Variants in CNTRL observed in about 807,000 individuals in gnomAD.
CNTRL encodes the protein centriolin, also known as 110 kDa centrosomal protein.
CNTRL carries 233 observed loss-of-function variants against 303.7 expected under a neutral mutation model. The ratio of observed to expected loss-of-function variants is 0.77; its 90% CI spans 0.69 to 0.86. The LOEUF (loss-of-function observed/expected upper bound fraction) is 0.86, where lower values mean the gene tolerates loss of function less well. CNTRL is among the 40% of genes least tolerant of loss of function. The probability of loss-of-function intolerance (pLI) is 0.00; values close to 1 mark genes in which losing one functional copy is unlikely to be tolerated. For synonymous variants in CNTRL, 900 were observed against 922.2 expected, an observed-to-expected ratio of 0.98 and a Z score of 0.44; for missense variants, 2,524 against 2,650.6, an observed-to-expected ratio of 0.95 and a Z score of 1.05.
intron 13 of CNTRL, among the ~76,000 whole-genome samples, chr9:121,125,033 T>C (rs997464540): frequency 2.6e-5 from 4 of 152,060 alleles, no homozygotes; most frequent in African/African-American, 9.7e-5. Context: ...TGTGTGTTTG[T>C]GTTCTAAGTG....
chr9:121,100,927 A>G (rs768344091), intron 7 of CNTRL, among the ~76,000 whole-genome samples: 11 of 152,350 alleles, frequency 7.2e-5, no homozygotes, highest in African/African-American at 2.4e-4. Context: ...TTAGAGACCT[A>G]CAAAGAGACT....
chr9:121,094,998 C>A lies in CNTRL; in HGVS notation c.459C>A (p.Asn153Lys). The change falls in exon 5 of 44, where the codon AAC becomes AAA. Residue 153 changes from asparagine (N) to lysine (K), a missense_variant. Coordinates refer to ENST00000373855, the MANE Select transcript of CNTRL (RefSeq NM_007018.6). ...LDKLLKLREL[N>K]LSYNKISKIE... ...AGCTGTTAAAATTACGTGAACTCAACTTATCATATAACAAAATCAGGTGAG... is the reference window on the plus strand; with the variant it reads ...AGCTGTTAAAATTACGTGAACTCAAATTATCATATAACAAAATCAGGTGAG... 1.2e-6 allele frequency: 2 copies of A among 1,604,372 alleles called. No individual in the cohort carries two copies. The highest frequency in any genetic ancestry group is 1.7e-6 in the Non-Finnish European group (2 of 1,176,122).
Position 121,094,993 on chromosome 9 carries a change from C to T in CNTRL, c.454C>T (p.Leu152Phe). Residue 152 changes from leucine (L) to phenylalanine (F), a missense_variant, in exon 5 of 44, where the codon CTC becomes TTC. Physicochemically the swap from Leu to Phe is conservative, Grantham distance 22 (BLOSUM62 0). Transcript: ENST00000373855. ...GGACAAGCTGTTAAAATTACGTGAA[C>T]TCAACTTATCATATAACAAAATCAG... ...KLDKLLKLRE[L>F]NLSYNKISKI... 1 of 1,605,542 alleles carries T rather than the reference C, an allele frequency of 6.2e-7. No homozygotes were observed. Among genetic ancestry groups the T allele is most frequent in the South Asian group, 1.1e-5 (1 of 89,616 alleles).
intron 25 of CNTRL, among the ~76,000 whole-genome samples, chr9:121,151,541 C>T (rs2052262309): frequency 6.6e-6 from 1 of 151,818 alleles, no homozygotes. Context: ...GAGGCATACG[C>T]CACCACGCCT....
chr9:121,096,579 T>C lies in CNTRL; in HGVS notation c.621+16T>C, dbSNP rs555349252. ...GATATCATCGGTAAGTTATTCAAAA[T>C]AGCAGGAATTTTTAGACTTGTTAAA... On this transcript the variant is annotated intron_variant, in intron 6 of 43. Transcript: ENST00000373855. 9.8e-5 allele frequency: 138 copies of C among 1,408,384 alleles called. 2 individuals carry two copies. In the South Asian group the frequency reaches 2.4e-3, roughly 24 times the overall value. 87.2% of individuals were successfully genotyped at this position (1,408,384 alleles called of 1,614,324 possible).
Position 121,158,875 on chromosome 9 carries a change from G to A in CNTRL, c.4785G>A (p.Glu1595=), listed in dbSNP as rs2052717027. The A allele has an allele frequency of 6.2e-7, 1 of 1,614,104 alleles. No homozygotes were observed. The highest frequency in any genetic ancestry group is 8.5e-7 in the Non-Finnish European group (1 of 1,179,992). Residue 1595 remains glutamate, a synonymous_variant, in exon 31 of 44, where the codon GAG becomes GAA. Coordinates refer to ENST00000373855, the MANE Select transcript of CNTRL (RefSeq NM_007018.6). The stretch of plus-strand genomic sequence containing the variant: ...TACAGGTGACAAGTCAGCAGCAGGA[G>A]ATGGCTGTCTTGGACAGGCAGTTAG... ...LKSQVTSQQQ[E]MAVLDRQLGH...
In CNTRL at chr9:121,157,720, A is replaced by G. The variant is rs1418419112; in HGVS notation, c.4497-20A>G. On this transcript the variant is annotated intron_variant, in intron 28 of 43. Transcript: ENST00000373855. ...TGGTAAGTCTACAGGACCTGGGGGGAATAAAGCAATGTGCTTTAGATCGCT... is the reference window on the plus strand; with the variant it reads ...TGGTAAGTCTACAGGACCTGGGGGGGATAAAGCAATGTGCTTTAGATCGCT... 6.2e-7 allele frequency: 1 copy of G among 1,612,686 alleles called. No homozygotes were observed. Among genetic ancestry groups the G allele is most frequent in the Non-Finnish European group, 8.5e-7 (1 of 1,179,548 alleles).
rs149831066 is a variant in CNTRL at position 121,173,729 on chromosome 9, C to G, written c.6739C>G (p.Arg2247Gly). The G allele has an allele frequency of 1.9e-6, 3 of 1,613,842 alleles. No individual in the cohort carries two copies. The highest frequency in any genetic ancestry group is 2.7e-5 in the African/African-American group (2 of 74,882). ...LREKLRHREDRLKAQLRHCMS... is the reference protein window; with the variant it reads ...LREKLRHREDGLKAQLRHCMS... ...GGAGAAACTGCGTCACCGGGAAGAC[C>G]GACTCAAGGTTGCCCTTTAAAACAA... is the stretch of plus-strand genomic sequence containing the variant. Residue 2247 changes from arginine to glycine, a missense_variant, in exon 42 of 44, where the codon CGA becomes GGA. Physicochemically the swap from Arg to Gly is moderately radical, Grantham distance 125. Coordinates refer to ENST00000373855, the MANE Select transcript of CNTRL (RefSeq NM_007018.6).
intron 14 of CNTRL, among the ~76,000 whole-genome samples, chr9:121,129,127 CT>C (rs747072617): frequency 6.6e-6 from 1 of 152,168 alleles, no homozygotes; most frequent in African/African-American, 2.4e-5. Context: ...AATGCAGGCT[CT>C]TTTTTGGTTC....
chr9:121,134,293 A>AT (rs111594737), intron 14 of CNTRL, among the ~76,000 whole-genome samples: 83 of 67,684 alleles, frequency 1.2e-3, no homozygotes, highest in East Asian at 2.0e-3. Flanking sequence ...TATCATTATT[A>AT]TTTTTTTTTT....
chr9:121,125,645 T>C (rs1025450773), intron 13 of CNTRL, 71 bp from the exon 14 acceptor site: 25 of 1,334,680 alleles, frequency 1.9e-5, no homozygotes, highest in Non-Finnish European at 2.3e-5. Flanking sequence ...TCTTGGCTTA[T>C]AACAAAATGC....
At chr9:121,122,064 C>G (rs769483169) in intron 12 of CNTRL, 23 of 352,988 alleles carry the variant, frequency 6.5e-5, no homozygotes, top group Non-Finnish European at 9.1e-5. Context: ...GTGTAAATCG[C>G]AGAATCTACT....
chr9:121,115,783 A>G (rs988824696), intron 11 of CNTRL, among the ~76,000 whole-genome samples: 4 of 152,242 alleles, frequency 2.6e-5, no homozygotes, highest in Non-Finnish European at 5.9e-5. Flanking sequence ...TAACTTTTAA[A>G]AATCAGTATT....
chr9:121,075,685 A>G (rs940868347), intron 1 of CNTRL, among the ~76,000 whole-genome samples: 2 of 152,166 alleles, frequency 1.3e-5, no homozygotes, highest in Admixed American at 6.5e-5. Context: ...CTTCCTGATC[A>G]TGTTTCCTCA....
intron 24 of CNTRL, 38 bp downstream of exon 24, chr9:121,148,899 C>T (rs2052037680): frequency 6.4e-7 from 1 of 1,574,260 alleles, no homozygotes; most frequent in East Asian, 2.2e-5. Context: ...ATTTCTCTTG[C>T]CCGTTTAATA....
chr9:121,142,204 C>G lies in CNTRL; in HGVS notation c.2805C>G (p.Leu935=). The change falls in exon 19 of 44, where the codon CTC becomes CTG. Residue 935 remains leucine, a synonymous_variant. Transcript: ENST00000373855. ...AGGAAATCCAAGGCCTTACAGATCTCCAACTTCAGGAAGCTGATGAAGAGA... is the reference window on the plus strand; with the variant it reads ...AGGAAATCCAAGGCCTTACAGATCTGCAACTTCAGGAAGCTGATGAAGAGA... ...SMEEIQGLTD[L]QLQEADEEKE... is the part of the protein sequence containing the mutation. 1 of 1,612,330 alleles carries G rather than the reference C, an allele frequency of 6.2e-7. No individual in the cohort carries two copies. The highest frequency in any genetic ancestry group is 8.5e-7 in the Non-Finnish European group (1 of 1,179,308).
chr9:121,132,066 T>C (rs997975629), intron 14 of CNTRL, among the ~76,000 whole-genome samples: 1 of 152,246 alleles, frequency 6.6e-6, no homozygotes, highest in Non-Finnish European at 1.5e-5. Flanking sequence ...CCTTACATTT[T>C]TTCCTTCATG....
intron 7 of CNTRL, among the ~76,000 whole-genome samples, chr9:121,107,037 A>C (rs745319700): frequency 6.6e-5 from 10 of 152,066 alleles, no homozygotes; most frequent in Non-Finnish European, 7.4e-5. Flanking sequence ...CAGCTAAGCT[A>C]TTTGATCACA....
intron 32 of CNTRL, chr9:121,161,255 T>C: frequency 2.3e-6 from 1 of 444,042 alleles, no homozygotes; most frequent in Non-Finnish European, 4.2e-6. Flanking sequence ...CATTTTTTTC[T>C]CTTATGCTTT....
Sources: gnomAD v4.1 joint callset for allele counts (sites outside exome capture counted in the v4.1 genomes callset) on GRCh38, gnomAD v4.1.1 for gene constraint, MANE v1.5 for transcripts, NCBI Gene and HGNC (gene_info 2026-07-23, HGNC 2026-07-21) for gene names.